CYP2C18: variants seen among roughly 807,000 people sequenced by gnomAD.
CYP2C18 encodes the protein cytochrome P450 2C18.
Under a neutral mutation model 41.3 loss-of-function variants are expected in CYP2C18, and 38 were observed. That is an observed-to-expected ratio of 0.92 (90% confidence interval 0.71 to 1.21). The LOEUF (loss-of-function observed/expected upper bound fraction) is 1.21, where lower values mean the gene tolerates loss of function less well. Among genes scored for constraint, CYP2C18 ranks in the 50% most tolerant of loss-of-function variants. CYP2C18 has a pLI of 0.00. For missense variants in CYP2C18, 635 were observed against 591.4 expected (o/e 1.07, Z -0.77); for synonymous variants, 236 against 210.0 (o/e 1.12, Z -1.07).
In CYP2C18 at chr10:94,735,558, A is replaced by G; in HGVS notation, c.*114A>G. Reference sequence around the variant, plus strand: ...GATATTTTCTCTGACTTGTCAATCCACATCTTCCCATTCCCTCAAGATCCA... The same window carrying G: ...GATATTTTCTCTGACTTGTCAATCCGCATCTTCCCATTCCCTCAAGATCCA... On this transcript the variant is annotated 3_prime_UTR_variant, in exon 9 of 9. Coordinates refer to ENST00000285979, the MANE Select transcript of CYP2C18 (RefSeq NM_000772.3). 1 of 1,031,618 alleles carries G rather than the reference A, an allele frequency of 9.7e-7. No individual in the cohort carries two copies. The allele number at this position is 1,031,618 out of a possible 1,614,324, so 63.9% of individuals were successfully genotyped here. A position where few individuals can be genotyped will look rare whatever the true frequency, so the allele number is the denominator to read the frequency against.
At chr10:94,713,799 AGT>A (rs1350936472) in intron 5 of CYP2C18, among the ~76,000 whole-genome samples, 1 of 152,232 alleles carries the variant, frequency 6.6e-6, no homozygotes, top group African/African-American at 2.4e-5. Context: ...TCCCACCAAC[AGT>A]GTGTAAAAGT....
At position 94,683,774 on chromosome 10, in the gene CYP2C18, T is replaced by C. The variant is rs1310816842; in HGVS notation, c.-46T>C. ...ATTAGTAGGGAGTGTTATAAAAGCC[T>C]TGAAGTGAAAGCCCGCAGTTGTCTT... is the stretch of plus-strand genomic sequence containing the variant. On this transcript the variant is annotated 5_prime_UTR_variant, in exon 1 of 9. Transcript: ENST00000285979. The C allele has an allele frequency of 6.7e-7, 1 of 1,494,470 alleles. No individual in the cohort carries two copies. The highest frequency in any genetic ancestry group is 2.1e-5 in the Admixed American group (1 of 47,288). 92.6% of individuals were successfully genotyped at this position (1,494,470 alleles called of 1,614,324 possible).
At chr10:94,721,761 C>G (rs1394426926) in intron 6 of CYP2C18, among the ~76,000 whole-genome samples, 1 of 152,040 alleles carries the variant, frequency 6.6e-6, no homozygotes, top group Non-Finnish European at 1.5e-5. Context: ...GCTTCTAGTT[C>G]CATCCATGTT....
intron 3 of CYP2C18, among the ~76,000 whole-genome samples, chr10:94,694,471 A>G (rs1847075773): frequency 1.3e-5 from 2 of 152,104 alleles, no homozygotes; most frequent in African/African-American, 2.4e-5. Context: ...ACACACAGTT[A>G]CTTTAACTAC....
rs143181838 is a variant in CYP2C18, at chr10:94,735,235, A to G, written c.1292-28A>G. 968 of 1,610,242 alleles carry G rather than the reference A, an allele frequency of 6.0e-4. 2 individuals are homozygous for G. The African/African-American group carries it at 0.012, about 20-fold the overall frequency. ...CTGTTCATGACCTAATGTTCAAGGA[A>G]CAAATCCCCTATGTCTCTTATTTTC... is the stretch of plus-strand genomic sequence containing the variant. On this transcript the variant is annotated intron_variant, in intron 8 of 8. Coordinates refer to ENST00000285979, the MANE Select transcript of CYP2C18 (RefSeq NM_000772.3).
chr10:94,704,243 T>C (rs1055424690), intron 4 of CYP2C18, among the ~76,000 whole-genome samples: 3 of 152,096 alleles, frequency 2.0e-5, no homozygotes, highest in South Asian at 2.1e-4. Context: ...GTTTGAAAAC[T>C]GGAAATTTTG....
intron 7 of CYP2C18, among the ~76,000 whole-genome samples, chr10:94,733,002 G>A (rs970338419): frequency 6.6e-6 from 1 of 151,692 alleles, no homozygotes; most frequent in Non-Finnish European, 1.5e-5. Context: ...CAGCAAGTGG[G>A]GATGTACACC....
intron 4 of CYP2C18, 148 bp from the exon 5 acceptor site, chr10:94,706,636 A>T (rs765338475): frequency 1.2e-4 from 60 of 513,682 alleles, no homozygotes; most frequent in Non-Finnish European, 1.9e-4. Context: ...ATCAGTATAG[A>T]GGACTACTTT....
chr10:94,686,358 C>G (rs552354526), intron 1 of CYP2C18, among the ~76,000 whole-genome samples: 1 of 152,228 alleles, frequency 6.6e-6, no homozygotes, highest in African/African-American at 2.4e-5. Context: ...TCATCCTTTC[C>G]TACATGAATA....
rs575955651 is a variant in CYP2C18 at position 94,700,884 on chromosome 10, G to C, written c.642+5807G>C. On this transcript the variant is annotated intron_variant, in intron 4 of 8. Transcript: ENST00000285979. ...ACATGAAAAAATGCTCATCATCACTGGCCATCAGAGAAATGCAAATCAAAC... is the reference window on the plus strand; with the variant it reads ...ACATGAAAAAATGCTCATCATCACTCGCCATCAGAGAAATGCAAATCAAAC... 5.3e-5 allele frequency among the ~76,000 whole-genome samples: 8 copies of C among 152,250 alleles called. No individual in the cohort carries two copies. In the South Asian group the frequency reaches 1.7e-3, roughly 32 times the overall value.
At position 94,703,466 on chromosome 10, in the gene CYP2C18, C is replaced by T. The variant is rs118029145; in HGVS notation, c.643-3318C>T. 2.0e-3 allele frequency among the ~76,000 whole-genome samples: 302 copies of T among 152,320 alleles called. 7 individuals carry two copies. In the East Asian group the frequency reaches 0.051, roughly 26 times the overall value. ...GGAGTCTAGAGAGACAGTCTGGCTACAGGGGCTTTGTGGTGCTGCGGTGGG... is the reference window on the plus strand; with the variant it reads ...GGAGTCTAGAGAGACAGTCTGGCTATAGGGGCTTTGTGGTGCTGCGGTGGG... On this transcript the variant is annotated intron_variant, in intron 4 of 8. Transcript: ENST00000285979.
Position 94,724,409 on chromosome 10 carries a change from G to A in CYP2C18, c.1025G>A (p.Arg342Lys). The change falls in exon 7 of 9, where the codon AGG (arginine) becomes AAG (lysine). Residue 342 changes from arginine to lysine, a missense_variant. Arg to Lys is a conservative substitution (Grantham distance 26, BLOSUM62 2). Transcript: ENST00000285979. Reference protein sequence around the residue: ...GRNRSPCMQDRSHMPYTDAVV... With the variant: ...GRNRSPCMQDKSHMPYTDAVV... ...AACCGGAGCCCCTGTATGCAGGACA[G>A]GAGTCACATGCCCTACACAGATGCT... The A allele has an allele frequency of 6.2e-7, 1 of 1,613,552 alleles. No homozygotes were observed. Among genetic ancestry groups the A allele is most frequent in the Non-Finnish European group, 8.5e-7 (1 of 1,179,672 alleles).
intron 5 of CYP2C18, among the ~76,000 whole-genome samples, chr10:94,715,452 G>C (rs1450843972): frequency 6.6e-6 from 1 of 152,090 alleles, no homozygotes; most frequent in East Asian, 1.9e-4. Flanking sequence ...TGTGGTTTTT[G>C]TCTTTGGTTC....
intron 4 of CYP2C18, among the ~76,000 whole-genome samples, chr10:94,698,393 T>C (rs1847164653): frequency 6.6e-6 from 1 of 152,052 alleles, no homozygotes; most frequent in Non-Finnish European, 1.5e-5. Context: ...TGGTACATAA[T>C]GAAATGAAGG....
intron 3 of CYP2C18, among the ~76,000 whole-genome samples, chr10:94,691,596 AC>A (rs1346502221): frequency 6.6e-6 from 1 of 152,146 alleles, no homozygotes; most frequent in Non-Finnish European, 1.5e-5. Flanking sequence ...TGGCCATACC[AC>A]CCAAGGTAAT....
intron 5 of CYP2C18, among the ~76,000 whole-genome samples, chr10:94,708,678 C>G (rs1564643356): frequency 6.6e-6 from 1 of 152,206 alleles, no homozygotes; most frequent in Non-Finnish European, 1.5e-5. Flanking sequence ...GCCACCACCA[C>G]AACCAATTTC....
intron 1 of CYP2C18, among the ~76,000 whole-genome samples, chr10:94,685,428 G>T (rs1192273576): frequency 6.6e-6 from 1 of 152,176 alleles, no homozygotes; most frequent in Admixed American, 6.6e-5. Flanking sequence ...GTCTAGTTTT[G>T]CTTTCATGGC....
intron 4 of CYP2C18, among the ~76,000 whole-genome samples, chr10:94,701,255 A>G (rs570377322): frequency 1.3e-3 from 193 of 152,284 alleles, no homozygotes; most frequent in South Asian, 3.5e-3. Context: ...TTAAGAAAAT[A>G]TGGCACATAT....
At chr10:94,705,444 G>C (rs1847325012) in intron 4 of CYP2C18, among the ~76,000 whole-genome samples, 1 of 152,166 alleles carries the variant, frequency 6.6e-6, no homozygotes, top group Admixed American at 6.5e-5. Flanking sequence ...TATAGGTGCA[G>C]TAAACCACCA....
Sources: allele counts gnomAD v4.1 joint callset (sites outside exome capture counted in the v4.1 genomes callset), GRCh38; gene constraint gnomAD v4.1.1; transcripts MANE v1.5; gene names NCBI Gene and HGNC (gene_info 2026-07-23, HGNC 2026-07-21).